ELMOD1: variants seen among roughly 807,000 people sequenced by gnomAD.
ELMOD1 encodes the protein ELMO domain containing 1.
Under a neutral mutation model 46.7 loss-of-function variants are expected in ELMOD1, and 21 were observed. That is an observed-to-expected ratio of 0.45 (90% confidence interval 0.32 to 0.65). The LOEUF is 0.65. Ranked by LOEUF, ELMOD1 falls within the 30% of genes least tolerant of loss-of-function variation. The pLI, the probability that ELMOD1 is intolerant of heterozygous loss-of-function variation, is 0.04. For synonymous variants in ELMOD1, 122 were observed against 138.2 expected, an observed-to-expected ratio of 0.88 and a Z score of 0.82; for missense variants, 348 against 407.8, an observed-to-expected ratio of 0.85 and a Z score of 1.26.
At position 107,657,035 on chromosome 11, in the gene ELMOD1, A is replaced by G. The variant is rs1379195543; in HGVS notation, c.832+969A>G. ...GAAATAAATTAAGAAAAATTTTCAG[A>G]ACTGAAGTATGAGTTTTCATACCCA... is the stretch of plus-strand genomic sequence containing the variant. On this transcript the variant is annotated intron_variant, in intron 11 of 11. Coordinates refer to ENST00000265840, the MANE Select transcript of ELMOD1 (RefSeq NM_018712.4). 3.9e-5 allele frequency among the ~76,000 whole-genome samples: 6 copies of G among 152,308 alleles called. No homozygotes were observed. In the East Asian group the frequency reaches 1.2e-3, roughly 29 times the overall value.
chr11:107,595,155 T>C (rs1038621999), intron 1 of ELMOD1, among the ~76,000 whole-genome samples: 7 of 24,040 alleles, frequency 2.9e-4, no homozygotes, highest in African/African-American at 1.3e-3. Context: ...ATAAATCTGT[T>C]TTTTTTTTTT....
chr11:107,611,550 A>T (rs998714946), intron 1 of ELMOD1, among the ~76,000 whole-genome samples: 8 of 151,832 alleles, frequency 5.3e-5, no homozygotes, highest in South Asian at 2.1e-4. Flanking sequence ...AATATTTTTT[A>T]AAAAATTAGC....
At position 107,666,215 on chromosome 11, in the gene ELMOD1, A is replaced by C. The variant is rs1866842406; in HGVS notation, c.*1018A>C. ...CAAACTATTTTATTCCCATAACTTC[A>C]TTGGCTTGGATGCCTAAGTGTATGA... On this transcript the variant is annotated 3_prime_UTR_variant, in exon 12 of 12. Transcript: ENST00000265840. 1 of 152,114 alleles carries C rather than the reference A, an allele frequency of 6.6e-6. No homozygotes were observed. The highest frequency in any genetic ancestry group is 2.1e-4 in the South Asian group (1 of 4,826). 9.4% of individuals were successfully genotyped at this position (152,114 alleles called of 1,614,324 possible). A position where few individuals can be genotyped will look rare whatever the true frequency, so the allele number is the denominator to read the frequency against.
intron 2 of ELMOD1, 139 bp downstream of exon 2, chr11:107,618,345 C>T: frequency 1.0e-6 from 1 of 991,700 alleles, no homozygotes; most frequent in Non-Finnish European, 1.6e-6. Context: ...TGCATTTTTG[C>T]TAAGAATAAC....
chr11:107,664,466 C>T (rs1224526295), intron 11 of ELMOD1, among the ~76,000 whole-genome samples: 2 of 152,136 alleles, frequency 1.3e-5, no homozygotes, highest in Non-Finnish European at 2.9e-5. Context: ...GAAATTATTG[C>T]TTCAGAGCAA....
chr11:107,658,700 C>G (rs980603124), intron 11 of ELMOD1, among the ~76,000 whole-genome samples: 1 of 152,130 alleles, frequency 6.6e-6, no homozygotes, highest in Non-Finnish European at 1.5e-5. Context: ...TTTGGGAGGC[C>G]AAGAAGGGCA....
At chr11:107,660,090 G>A (rs1866707987) in intron 11 of ELMOD1, among the ~76,000 whole-genome samples, 2 of 152,074 alleles carry the variant, frequency 1.3e-5, no homozygotes, top group African/African-American at 4.8e-5. Context: ...GAAACAAACT[G>A]TGCCCTAGAT....
intron 10 of ELMOD1, 108 bp from the exon 11 acceptor site, chr11:107,655,825 A>G: frequency 2.5e-6 from 3 of 1,210,000 alleles, no homozygotes; most frequent in African/African-American, 1.5e-5. Flanking sequence ...TTACCATGGC[A>G]TTTGTACACT....
chr11:107,630,587 C>A lies in ELMOD1; in HGVS notation c.163+25C>A, dbSNP rs1305658504. On this transcript the variant is annotated intron_variant, in intron 3 of 11. Coordinates refer to ENST00000265840, the MANE Select transcript of ELMOD1 (RefSeq NM_018712.4). ...GGTAAGCCTGAGACAAAGAAGTAAG[C>A]AAAAGGTAGAGTTGGTATGATGGAA... 6 of 1,607,270 alleles carry A rather than the reference C, an allele frequency of 3.7e-6. No individual in the cohort carries two copies. The Admixed American group carries it at 5.1e-5, about 14-fold the overall frequency.
rs57709612 is a variant in ELMOD1, at chr11:107,607,656, A to AAAACAAACAAACAAAC, written c.-85-10434_-85-10419dup. 2.0e-5 allele frequency among the ~76,000 whole-genome samples: 3 copies of AAAACAAACAAACAAAC among 151,696 alleles called. No individual in the cohort carries two copies. The East Asian group carries it at 5.8e-4, about 29-fold the overall frequency. On this transcript the variant is annotated intron_variant, in intron 1 of 11. Coordinates refer to ENST00000265840, the MANE Select transcript of ELMOD1 (RefSeq NM_018712.4). ...TGGGCGCCAGAGTGAGAACCTGTCT[A>AAAACAAACAAACAAAC]AAACAAACAAACAAACAAACAAACA...
intron 1 of ELMOD1, among the ~76,000 whole-genome samples, chr11:107,598,936 C>T (rs1034164694): frequency 3.3e-5 from 5 of 152,136 alleles, no homozygotes; most frequent in South Asian, 2.1e-4. Context: ...AAACAGGGTG[C>T]GAGTCCATTT....
In ELMOD1 at chr11:107,656,012, T is replaced by C; in HGVS notation, c.778T>C (p.Phe260Leu). The change falls in exon 11 of 12, where the codon TTC becomes CTC. Residue 260 changes from phenylalanine to leucine, a missense_variant. Coordinates refer to ENST00000265840, the MANE Select transcript of ELMOD1 (RefSeq NM_018712.4). The part of the protein sequence containing the change: ...LLVSGALKTH[F>L]YNIAPEAPTL... ...GGTCAGCGGAGCTCTAAAAACCCAT[T>C]TCTACAATATCGCCCCAGAAGCTCC... 1 of 1,571,264 alleles carries C rather than the reference T, an allele frequency of 6.4e-7. No homozygotes were observed. Among genetic ancestry groups the C allele is most frequent in the Non-Finnish European group, 8.6e-7 (1 of 1,156,080 alleles).
intron 2 of ELMOD1, among the ~76,000 whole-genome samples, chr11:107,627,034 A>G (rs1866055839): frequency 6.6e-6 from 1 of 152,216 alleles, no homozygotes; most frequent in African/African-American, 2.4e-5. Context: ...TGCCTGGACC[A>G]GGTTTATAAC....
intron 6 of ELMOD1, among the ~76,000 whole-genome samples, chr11:107,640,979 TA>T (rs1866312392): frequency 6.6e-6 from 1 of 152,134 alleles, no homozygotes; most frequent in Non-Finnish European, 1.5e-5. Flanking sequence ...AATACTACAA[TA>T]TTTCTTCAGT....
intron 2 of ELMOD1, among the ~76,000 whole-genome samples, chr11:107,619,244 G>A (rs1865909527): frequency 6.6e-6 from 1 of 152,194 alleles, no homozygotes; most frequent in South Asian, 2.1e-4. Flanking sequence ...CTCTCAGGAA[G>A]TTACTGTGAA....
At chr11:107,646,707 C>T (rs928911246) in intron 6 of ELMOD1, among the ~76,000 whole-genome samples, 1 of 151,596 alleles carries the variant, frequency 6.6e-6, no homozygotes, top group African/African-American at 2.4e-5. Context: ...AGCACTCCAG[C>T]CTGGGCAACA....
chr11:107,616,811 G>A lies in ELMOD1; in HGVS notation c.-85-1294G>A, dbSNP rs58523591. On this transcript the variant is annotated intron_variant, in intron 1 of 11. Transcript: ENST00000265840. ...GAGCACTTCTTGACTTTCTTGTGCT[G>A]CAATATGCTTCAGGTTCACCTTGCC... Among the ~76,000 whole-genome samples, 558 of 152,216 alleles carry A rather than the reference G, an allele frequency of 3.7e-3. 5 individuals are homozygous for A. The highest frequency in any genetic ancestry group is 0.012 in the African/African-American group (497 of 41,522).
intron 6 of ELMOD1, among the ~76,000 whole-genome samples, chr11:107,638,860 T>G (rs2135697527): frequency 6.6e-6 from 1 of 152,316 alleles, no homozygotes; most frequent in South Asian, 2.1e-4. Flanking sequence ...TTTTACAAAG[T>G]TTGTGCCCAG....
chr11:107,639,449 A>G (rs1234272739), intron 6 of ELMOD1, among the ~76,000 whole-genome samples: 1 of 152,210 alleles, frequency 6.6e-6, no homozygotes, highest in Non-Finnish European at 1.5e-5. Context: ...ACAAAATTCT[A>G]GGTGGATTCA....
Sources: gnomAD v4.1 joint callset for allele counts (sites outside exome capture counted in the v4.1 genomes callset) on GRCh38, gnomAD v4.1.1 for gene constraint, MANE v1.5 for transcripts, NCBI Gene and HGNC (gene_info 2026-07-23, HGNC 2026-07-21) for gene names.